Variants in ADGRA3 observed in about 807,000 individuals in gnomAD.
ADGRA3 encodes G-protein coupled receptor 125.
Under a neutral mutation model 119.8 loss-of-function variants are expected in ADGRA3, and 56 were observed. The observed-to-expected ratio is 0.47, with a 90% CI of 0.38 to 0.58. The LOEUF (loss-of-function observed/expected upper bound fraction) is 0.58. ADGRA3 is among the 20% of genes least tolerant of loss of function. ADGRA3 has a pLI of 0.00. For missense variants in ADGRA3, 1,516 were observed against 1,649.0 expected (o/e 0.92, Z 1.40); for synonymous variants, 607 against 623.8 (o/e 0.97, Z 0.40).
intron 1 of ADGRA3, among the ~76,000 whole-genome samples, chr4:22,490,528 A>T (rs1186397817): frequency 6.6e-6 from 1 of 152,118 alleles, no homozygotes; most frequent in Non-Finnish European, 1.5e-5. Flanking sequence ...AATATATTTG[A>T]GCAACTATTG....
intron 4 of ADGRA3, among the ~76,000 whole-genome samples, chr4:22,451,611 T>TAA (rs200795126): frequency 0.011 from 1,689 of 149,618 alleles, 24 homozygotes; most frequent in African/African-American, 0.037. Context: ...TTGTTTTTTC[T>TAA]AAAAAAAAAA....
chr4:22,404,149 T>A (rs558921429), intron 14 of ADGRA3, among the ~76,000 whole-genome samples: 42 of 152,046 alleles, frequency 2.8e-4, no homozygotes, highest in Non-Finnish European at 4.4e-4. Flanking sequence ...CTCTTATAGC[T>A]AAAAAGTGAC....
chr4:22,406,416 T>G (rs368298017), intron 14 of ADGRA3, among the ~76,000 whole-genome samples: 1 of 152,228 alleles, frequency 6.6e-6, no homozygotes, highest in African/African-American at 2.4e-5. Flanking sequence ...TCTATAATTA[T>G]TGTACTAATT....
intron 10 of ADGRA3, among the ~76,000 whole-genome samples, chr4:22,425,256 C>T (rs773614059): frequency 1.3e-5 from 2 of 152,124 alleles, no homozygotes; most frequent in Non-Finnish European, 2.9e-5. Context: ...TCCCTTCCTC[C>T]CAACTCAATG....
At chr4:22,406,969 G>A (rs1271142220) in intron 14 of ADGRA3, among the ~76,000 whole-genome samples, 1 of 152,130 alleles carries the variant, frequency 6.6e-6, no homozygotes, top group African/African-American at 2.4e-5. Flanking sequence ...TGGCTAGATT[G>A]GGCAATACAA....
At chr4:22,491,067 C>A (rs1008292757) in intron 1 of ADGRA3, among the ~76,000 whole-genome samples, 5 of 152,150 alleles carry the variant, frequency 3.3e-5, no homozygotes, top group Admixed American at 1.3e-4. Context: ...GGGTGTCCAG[C>A]TGAAAACATC....
chr4:22,460,917 A>G (rs1717423327), intron 3 of ADGRA3, among the ~76,000 whole-genome samples: 1 of 152,210 alleles, frequency 6.6e-6, no homozygotes, highest in South Asian at 2.1e-4. Context: ...GACAGTCCTC[A>G]TGGCTTTTGT....
At chr4:22,479,719 C>G (rs980141088) in intron 1 of ADGRA3, among the ~76,000 whole-genome samples, 1 of 152,138 alleles carries the variant, frequency 6.6e-6, no homozygotes, top group Non-Finnish European at 1.5e-5. Flanking sequence ...CAGCACTATT[C>G]ACAACAGCAA....
intron 12 of ADGRA3, among the ~76,000 whole-genome samples, chr4:22,418,769 C>A (rs969012539): frequency 1.3e-5 from 2 of 151,954 alleles, no homozygotes; most frequent in African/African-American, 4.8e-5. Context: ...ACAGCCTGCA[C>A]AGAAGGGAAG....
intron 6 of ADGRA3, among the ~76,000 whole-genome samples, chr4:22,444,456 T>C (rs1215865192): frequency 6.6e-6 from 1 of 152,146 alleles, no homozygotes. Context: ...CAGCTAATTT[T>C]TGTATTTTTA....
chr4:22,401,438 C>T lies in ADGRA3; in HGVS notation c.2474G>A (p.Cys825Tyr). Residue 825 changes from cysteine (C) to tyrosine (Y), a missense_variant, in exon 16 of 19, where the codon TGC (cysteine) becomes TAC (tyrosine). Physicochemically the swap from Cys to Tyr is radical, Grantham distance 194. This residue lies in a region of ADGRA3 where 1,088 missense variants were observed against 1,107.1 expected (regional missense o/e 0.98). Transcript: ENST00000334304. ...TTTTTCACTCTGACTTACTGCTTGG[C>T]AGATGCTGGCATTCCTAGTCTGGGT... ...GITQTRNASI[C>Y]QAVGIILHYS... The T allele has an allele frequency of 1.2e-6, 2 of 1,600,378 alleles. No homozygotes were observed. Among genetic ancestry groups the T allele is most frequent in the East Asian group, 2.2e-5 (1 of 44,510 alleles).
chr4:22,468,391 A>T (rs1383065656), intron 2 of ADGRA3, among the ~76,000 whole-genome samples: 1 of 152,200 alleles, frequency 6.6e-6, no homozygotes, highest in Non-Finnish European at 1.5e-5. Flanking sequence ...TCAGCAGTGA[A>T]GAGAATATGG....
intron 14 of ADGRA3, among the ~76,000 whole-genome samples, chr4:22,407,346 T>C (rs970269500): frequency 5.9e-5 from 9 of 152,086 alleles, no homozygotes; most frequent in African/African-American, 2.2e-4. Flanking sequence ...AAGTTAAAGC[T>C]CTACAATGAG....
chr4:22,413,332 T>G lies in ADGRA3; in HGVS notation c.2082A>C (p.Ala694=), dbSNP rs139265381. 10 of 1,614,012 alleles carry G rather than the reference T, an allele frequency of 6.2e-6. No individual in the cohort carries two copies. In the African/African-American group the frequency reaches 1.1e-4, roughly 17 times the overall value. Reference sequence around the variant, plus strand: ...GGGCTGCAACAGCATCTGCTCCATGTGCAATTCGACGCAGTGTCACATTAA... The same window carrying G: ...GGGCTGCAACAGCATCTGCTCCATGGGCAATTCGACGCAGTGTCACATTAA... The part of the protein sequence containing the change: ...IPVNVTLRRI[A]HGADAVAARW... The change falls in exon 14 of 19, where the codon GCA becomes GCC. Residue 694 remains alanine, a synonymous_variant. Coordinates refer to ENST00000334304, the MANE Select transcript of ADGRA3 (RefSeq NM_145290.4).
chr4:22,438,832 A>AAAATATT (rs1322415627), intron 7 of ADGRA3, among the ~76,000 whole-genome samples: 1 of 152,098 alleles, frequency 6.6e-6, no homozygotes, highest in Non-Finnish European at 1.5e-5. Context: ...GTCTACACTA[A>AAAATATT]AAATATTTTT....
At chr4:22,462,304 TTTGTTGTTG>T (rs540842421) in intron 2 of ADGRA3, among the ~76,000 whole-genome samples, 1 of 151,908 alleles carries the variant, frequency 6.6e-6, no homozygotes, top group Non-Finnish European at 1.5e-5. Context: ...TTTGGGGTTT[TTTGTTGTTG>T]TTGTTGTTGT....
intron 16 of ADGRA3, chr4:22,394,426 A>C (rs1282927120): frequency 6.6e-6 from 1 of 152,244 alleles, no homozygotes; most frequent in East Asian, 1.9e-4. Flanking sequence ...CATGGTTCCC[A>C]TTAGTTTTGC....
chr4:22,401,563 A>G lies in ADGRA3; in HGVS notation c.2358-9T>C, dbSNP rs1199070351. 3 of 1,594,652 alleles carry G rather than the reference A, an allele frequency of 1.9e-6. No individual in the cohort carries two copies. The highest frequency in any genetic ancestry group is 2.6e-6 in the Non-Finnish European group (3 of 1,167,442). ...GGCTGATTCTAATCAAACTGTTTAA[A>G]AAAGAGAGAAAATATTAATATTCAG... On this transcript the variant is annotated splice_polypyrimidine_tract_variant and intron_variant, in intron 15 of 18. Transcript: ENST00000334304.
At chr4:22,417,658 C>A (rs1715483292) in intron 12 of ADGRA3, among the ~76,000 whole-genome samples, 1 of 152,154 alleles carries the variant, frequency 6.6e-6, no homozygotes, top group African/African-American at 2.4e-5. Flanking sequence ...TATGGCCTCT[C>A]ATTGCAGCTC....
Sources: allele counts gnomAD v4.1 joint callset (sites outside exome capture counted in the v4.1 genomes callset), GRCh38; gene constraint gnomAD v4.1.1; regional missense constraint gnomAD v4.1.1; transcripts MANE v1.5; gene names NCBI Gene and HGNC (gene_info 2026-07-23, HGNC 2026-07-21).